Variants in HCN1 observed in about 807,000 individuals in gnomAD.
HCN1 encodes the protein hyperpolarization activated cyclic nucleotide gated potassium channel 1.
Under a neutral mutation model 78.9 loss-of-function variants are expected in HCN1, and 13 were observed. The ratio of observed to expected loss-of-function variants is 0.16; its 90% CI spans 0.11 to 0.26. The LOEUF (loss-of-function observed/expected upper bound fraction) is 0.26, where lower values mean the gene tolerates loss of function less well. HCN1 is among the 10% of genes least tolerant of loss of function. HCN1 has a pLI of 1.00. For missense variants in HCN1, 810 were observed against 1,154.3 expected (o/e 0.70, Z 4.32); for synonymous variants, 552 against 455.5 (o/e 1.21, Z -2.70).
chr5:45,422,389 G>C (rs1740247639), intron 3 of HCN1, among the ~76,000 whole-genome samples: 1 of 152,076 alleles, frequency 6.6e-6, no homozygotes, highest in East Asian at 1.9e-4. Flanking sequence ...AGAGGTGTCA[G>C]CTACGAATCT....
intron 7 of HCN1, among the ~76,000 whole-genome samples, chr5:45,263,165 T>C (rs1744783772): frequency 6.6e-6 from 1 of 152,192 alleles, no homozygotes; most frequent in African/African-American, 2.4e-5. Context: ...AAAGTTACTT[T>C]TTCAAGAAAG....
At chr5:45,580,771 G>C (rs1396715553) in intron 2 of HCN1, among the ~76,000 whole-genome samples, 1 of 152,044 alleles carries the variant, frequency 6.6e-6, no homozygotes. Flanking sequence ...TCCCACCTAT[G>C]AGTGAGAACA....
chr5:45,596,759 T>C (rs1241818362), intron 2 of HCN1, among the ~76,000 whole-genome samples: 1 of 152,142 alleles, frequency 6.6e-6, no homozygotes, highest in Non-Finnish European at 1.5e-5. Flanking sequence ...TGGCAAACAG[T>C]CCATAATTTA....
At chr5:45,386,821 T>A (rs1747933711) in intron 4 of HCN1, among the ~76,000 whole-genome samples, 1 of 152,164 alleles carries the variant, frequency 6.6e-6, no homozygotes, top group African/African-American at 2.4e-5. Flanking sequence ...AATAACACTC[T>A]CATGCTAAAA....
chr5:45,495,534 C>T (rs536019049), intron 2 of HCN1, among the ~76,000 whole-genome samples: 43 of 152,024 alleles, frequency 2.8e-4, no homozygotes, highest in African/African-American at 7.0e-4. Flanking sequence ...TATACAATCA[C>T]GTCGTCTGCA....
chr5:45,495,557 T>A (rs1742007554), intron 2 of HCN1, among the ~76,000 whole-genome samples: 1 of 152,162 alleles, frequency 6.6e-6, no homozygotes. Flanking sequence ...GAGGGACAAT[T>A]TGACTTCCTC....
At position 45,326,995 on chromosome 5, in the gene HCN1, A is replaced by G. The variant is rs533610244; in HGVS notation, c.1378-23156T>C. Reference sequence around the variant, plus strand: ...AAATATAGAAGCAGACAAAAATTAAAATTAAAAATACTAAAATTAAGGAAT... The same window carrying G: ...AAATATAGAAGCAGACAAAAATTAAGATTAAAAATACTAAAATTAAGGAAT... On this transcript the variant is annotated intron_variant, in intron 5 of 7. Transcript: ENST00000303230. Among the ~76,000 whole-genome samples, 6 of 151,824 alleles carry G rather than the reference A, an allele frequency of 4.0e-5. No homozygotes were observed. In the South Asian group the frequency reaches 8.3e-4, roughly 21 times the overall value.
intron 5 of HCN1, among the ~76,000 whole-genome samples, chr5:45,309,932 T>C (rs982176016): frequency 2.6e-4 from 39 of 152,244 alleles, no homozygotes; most frequent in African/African-American, 9.4e-4. Context: ...AAATTTTCAG[T>C]AGGAATGCTA....
At chr5:45,601,039 A>G (rs1429747049) in intron 2 of HCN1, among the ~76,000 whole-genome samples, 2 of 152,102 alleles carry the variant, frequency 1.3e-5, no homozygotes, top group East Asian at 1.9e-4. Context: ...GGAAGAATAT[A>G]TATTTTTTTT....
Position 45,572,207 on chromosome 5 carries a change from G to T in HCN1, c.849+72978C>A, listed in dbSNP as rs76077049. 5.0e-4 allele frequency among the ~76,000 whole-genome samples: 76 copies of T among 152,242 alleles called. 1 individual carries two copies. The highest frequency in any genetic ancestry group is 1.8e-3 in the African/African-American group (75 of 41,572). ...TAAATAAAAAATATATACCCTTCAA[G>T]AAGCATTTTCATTCTAAAGGATTTT... On this transcript the variant is annotated intron_variant, in intron 2 of 7. Coordinates refer to ENST00000303230, the MANE Select transcript of HCN1 (RefSeq NM_021072.4).
chr5:45,290,967 T>A (rs761304443), intron 6 of HCN1, among the ~76,000 whole-genome samples: 23 of 152,096 alleles, frequency 1.5e-4, no homozygotes, highest in Middle Eastern at 3.2e-3. Flanking sequence ...CTTGTCATAA[T>A]AATGTAGGCA....
intron 5 of HCN1, among the ~76,000 whole-genome samples, chr5:45,332,693 C>G (rs1309188746): frequency 6.6e-6 from 1 of 151,558 alleles, no homozygotes; most frequent in Non-Finnish European, 1.5e-5. Flanking sequence ...TCAATGAGTT[C>G]AATTGTTTTC....
chr5:45,664,331 T>TA (rs1238602472), intron 1 of HCN1, among the ~76,000 whole-genome samples: 31 of 140,772 alleles, frequency 2.2e-4, no homozygotes, highest in African/African-American at 6.2e-4. Flanking sequence ...GGGGGAGGGA[T>TA]AGCATTGGGA....
At chr5:45,403,818 T>C (rs1739869627) in intron 3 of HCN1, among the ~76,000 whole-genome samples, 1 of 152,204 alleles carries the variant, frequency 6.6e-6, no homozygotes, top group Non-Finnish European at 1.5e-5. Context: ...AAAGCACCAA[T>C]TATTATGTTA....
intron 1 of HCN1, among the ~76,000 whole-genome samples, chr5:45,665,605 C>T (rs2112067696): frequency 6.6e-6 from 1 of 151,822 alleles, no homozygotes; most frequent in South Asian, 2.1e-4. Flanking sequence ...CAGAGAGATA[C>T]TTGGAAAAAA....
At chr5:45,564,330 G>T (rs1233969611) in intron 2 of HCN1, among the ~76,000 whole-genome samples, 2 of 150,734 alleles carry the variant, frequency 1.3e-5, no homozygotes, top group African/African-American at 2.4e-5. Flanking sequence ...GCGCCATCTC[G>T]GCTCACTGCA....
chr5:45,693,889 C>T (rs1311112368), intron 1 of HCN1, among the ~76,000 whole-genome samples: 2 of 152,052 alleles, frequency 1.3e-5, no homozygotes, highest in Non-Finnish European at 2.9e-5. Context: ...TAATATTGAA[C>T]CTGGTACATT....
intron 3 of HCN1, among the ~76,000 whole-genome samples, chr5:45,440,936 A>G (rs1334741914): frequency 6.6e-6 from 1 of 152,136 alleles, no homozygotes; most frequent in Non-Finnish European, 1.5e-5. Flanking sequence ...ACATCTTCTA[A>G]CATTATTTTT....
At chr5:45,470,814 C>A (rs962255437) in intron 2 of HCN1, among the ~76,000 whole-genome samples, 2 of 151,964 alleles carry the variant, frequency 1.3e-5, no homozygotes, top group Admixed American at 6.6e-5. Flanking sequence ...TCCACATCCT[C>A]ACTAAATCAC....
Sources: gnomAD v4.1 joint callset for allele counts (sites outside exome capture counted in the v4.1 genomes callset) on GRCh38, gnomAD v4.1.1 for gene constraint, MANE v1.5 for transcripts, NCBI Gene and HGNC (gene_info 2026-07-23, HGNC 2026-07-21) for gene names.